The following TMEM272 variants were observed in gnomAD, a reference collection of about 807,000 sequenced individuals.
The protein encoded by TMEM272 is transmembrane protein 272.
In TMEM272, 8 loss-of-function variants were observed where a neutral mutation model predicts 3.7. The ratio of observed to expected loss-of-function variants is 2.17; its 90% confidence interval spans 1.27 to 3.91. The LOEUF (loss-of-function observed/expected upper bound fraction) is 3.91, where lower values mean the gene tolerates loss of function less well. TMEM272 is among the 30% of genes most tolerant of loss of function. The probability of loss-of-function intolerance (pLI) is 0.00; values close to 1 mark genes in which losing one functional copy is unlikely to be tolerated. For missense variants in TMEM272, 166 were observed against 91.5 expected (o/e 1.81, Z -3.32); for synonymous variants, 63 against 39.8 (o/e 1.58, Z -2.20).
At chr13:51,930,218 C>T in the TMEM272 span, among the ~76,000 whole-genome samples, 34 of 152,142 alleles carry the variant, frequency 2.2e-4, 1 homozygote, top group South Asian at 6.9e-3. Flanking sequence ...TAGCCGTCTC[C>T]ATTTCAAAGG....
chr13:51,910,724 G>A, the TMEM272 span: 38 of 383,998 alleles, frequency 9.9e-5, no homozygotes, highest in Middle Eastern at 9.1e-4. Flanking sequence ...TCAAATCTGC[G>A]CCAGGCAACC....
At chr13:51,839,318 G>A (rs1225074666) in intron 1 of TMEM272, among the ~76,000 whole-genome samples, 2 of 152,162 alleles carry the variant, frequency 1.3e-5, no homozygotes, top group African/African-American at 4.8e-5. Context: ...CCTGCCCGGT[G>A]AAATGAGGTA....
the TMEM272 span, chr13:51,865,591 T>C: frequency 6.2e-7 from 1 of 1,614,170 alleles, no homozygotes. Flanking sequence ...AGATGTGGAC[T>C]TTCCGAGGCA....
chr13:51,902,333 G>A, the TMEM272 span, among the ~76,000 whole-genome samples: 1 of 152,174 alleles, frequency 6.6e-6, no homozygotes, highest in Non-Finnish European at 1.5e-5. Context: ...TCACGGCCTG[G>A]CGCCTGGAAA....
At chr13:51,879,827 G>A in the TMEM272 span, among the ~76,000 whole-genome samples, 1 of 152,188 alleles carries the variant, frequency 6.6e-6, no homozygotes, top group Non-Finnish European at 1.5e-5. Context: ...TCAAAGAGAG[G>A]TTTGCACAGG....
chr13:51,908,337 G>C, the TMEM272 span: 1 of 1,434,080 alleles, frequency 7.0e-7, no homozygotes, highest in South Asian at 1.1e-5. Flanking sequence ...TCCAGGTCTT[G>C]GGGGAAGGTA....
chr13:51,825,440 C>G (rs1214609621), intron 3 of TMEM272, among the ~76,000 whole-genome samples: 1 of 152,158 alleles, frequency 6.6e-6, no homozygotes, highest in Non-Finnish European at 1.5e-5. Flanking sequence ...TGTGCAACTA[C>G]CACCTCCATC....
chr13:51,929,724 C>T, the TMEM272 span, among the ~76,000 whole-genome samples: 1 of 152,238 alleles, frequency 6.6e-6, no homozygotes, highest in Admixed American at 6.5e-5. Flanking sequence ...TTGAACGCCC[C>T]TTCTGTGTCC....
At chr13:51,919,505 C>T in the TMEM272 span, among the ~76,000 whole-genome samples, 22 of 151,978 alleles carry the variant, frequency 1.4e-4, no homozygotes, top group East Asian at 4.3e-3. Context: ...ACCACAGAGA[C>T]TGGTGTCTAG....
chr13:51,844,445 G>A (rs1273815484), intron 1 of TMEM272, among the ~76,000 whole-genome samples: 3 of 152,116 alleles, frequency 2.0e-5, no homozygotes, highest in Non-Finnish European at 4.4e-5. Flanking sequence ...GGGTGCTCAG[G>A]ACACAGTCCT....
the TMEM272 span, among the ~76,000 whole-genome samples, chr13:51,890,855 CT>C: frequency 6.6e-6 from 1 of 152,152 alleles, no homozygotes; most frequent in Non-Finnish European, 1.5e-5. Flanking sequence ...CTCAGCTCAT[CT>C]TTTTTAAATC....
chr13:51,826,342 C>T (rs1012886556), intron 3 of TMEM272, among the ~76,000 whole-genome samples: 4 of 152,034 alleles, frequency 2.6e-5, no homozygotes, highest in Non-Finnish European at 5.9e-5. Flanking sequence ...GAGTGTCTGT[C>T]CCCACCCAGA....
chr13:51,875,852 A>G, the TMEM272 span, among the ~76,000 whole-genome samples: 1 of 152,152 alleles, frequency 6.6e-6, no homozygotes, highest in Non-Finnish European at 1.5e-5. Context: ...TGTGGGAGAC[A>G]GCTGTCTTTT....
chr13:51,892,695 G>A, the TMEM272 span, among the ~76,000 whole-genome samples: 1 of 152,030 alleles, frequency 6.6e-6, no homozygotes, highest in Admixed American at 6.6e-5. Flanking sequence ...CATTCCCCAT[G>A]ATGGCCTTTC....
the TMEM272 span, among the ~76,000 whole-genome samples, chr13:51,899,924 T>C: frequency 6.6e-6 from 1 of 152,174 alleles, no homozygotes; most frequent in African/African-American, 2.4e-5. Flanking sequence ...CAATAAGTGG[T>C]GCTGGGACAA....
At chr13:51,865,219 A>T in the TMEM272 span, 1 of 577,612 alleles carries the variant, frequency 1.7e-6, no homozygotes, top group Admixed American at 3.3e-5. Context: ...CACAAACACC[A>T]CCATGTGGAC....
chr13:51,908,856 G>C, the TMEM272 span: 7 of 1,433,478 alleles, frequency 4.9e-6, no homozygotes, highest in Non-Finnish European at 6.9e-6. Context: ...CAGGGGCCCA[G>C]TGTCAGAAGG....
the TMEM272 span, among the ~76,000 whole-genome samples, chr13:51,869,263 C>T: frequency 6.6e-6 from 1 of 152,188 alleles, no homozygotes; most frequent in African/African-American, 2.4e-5. Flanking sequence ...TCTCTCCATC[C>T]TCACATTATT....
chr13:51,870,632 C>G, the TMEM272 span, among the ~76,000 whole-genome samples: 1 of 152,182 alleles, frequency 6.6e-6, no homozygotes, highest in Non-Finnish European at 1.5e-5. Context: ...ATTTTGAAAG[C>G]AGAAAAGCTG....
Sources: allele counts gnomAD v4.1 joint callset (sites outside exome capture counted in the v4.1 genomes callset), GRCh38; gene constraint gnomAD v4.1.1; transcripts MANE v1.5; gene names NCBI Gene and HGNC (gene_info 2026-07-23, HGNC 2026-07-21).